The following DOCK3 variants were observed in gnomAD, a reference collection of about 807,000 sequenced individuals.
DOCK3 encodes dedicator of cytokinesis protein 3.
Under a neutral mutation model 265.6 loss-of-function variants are expected in DOCK3, and 60 were observed. The ratio of observed to expected loss-of-function variants is 0.23; its 90% CI spans 0.18 to 0.28. DOCK3 has a LOEUF of 0.28. Ranked by LOEUF, DOCK3 falls within the 10% of genes least tolerant of loss-of-function variation. The pLI is 1.00. For missense variants in DOCK3, 1,981 were observed against 2,594.3 expected (o/e 0.76, Z 5.14); for synonymous variants, 881 against 938.0 (o/e 0.94, Z 1.11).
intron 12 of DOCK3, among the ~76,000 whole-genome samples, chr3:51,195,559 T>A (rs987427009): frequency 6.6e-6 from 1 of 151,942 alleles, no homozygotes; most frequent in African/African-American, 2.4e-5. Context: ...AGATTACAGA[T>A]GCGTGCCATC....
intron 9 of DOCK3, among the ~76,000 whole-genome samples, chr3:51,116,694 A>G (rs1429441010): frequency 1.3e-5 from 2 of 151,994 alleles, no homozygotes; most frequent in Admixed American, 6.5e-5. Flanking sequence ...TGTAAGTTGT[A>G]TTCCTGGGCA....
chr3:50,888,184 A>G (rs185725822), intron 3 of DOCK3, among the ~76,000 whole-genome samples: 3 of 152,100 alleles, frequency 2.0e-5, no homozygotes, highest in African/African-American at 7.2e-5. Flanking sequence ...AAATCAATGT[A>G]CAAAAATCAC....
chr3:51,350,252 C>T, intron 39 of DOCK3, 36 bp from the exon 40 acceptor site: 2 of 1,567,066 alleles, frequency 1.3e-6, no homozygotes, highest in South Asian at 1.2e-5. Flanking sequence ...ATACCAACAG[C>T]AGTCAAGCCA....
chr3:50,846,701 C>A (rs932225498), intron 3 of DOCK3, among the ~76,000 whole-genome samples: 3 of 152,084 alleles, frequency 2.0e-5, no homozygotes, highest in African/African-American at 7.2e-5. Context: ...TTGGTCTGTT[C>A]AGGGTTTCAG....
At chr3:51,133,914 T>C (rs1424549523) in intron 9 of DOCK3, among the ~76,000 whole-genome samples, 1 of 152,164 alleles carries the variant, frequency 6.6e-6, no homozygotes, top group Non-Finnish European at 1.5e-5. Flanking sequence ...TTATTTTTTC[T>C]ACTCATCTCC....
At chr3:50,758,413 ATC>A (rs944931538) in intron 1 of DOCK3, among the ~76,000 whole-genome samples, 4 of 151,904 alleles carry the variant, frequency 2.6e-5, no homozygotes, top group Admixed American at 1.3e-4. Context: ...GGATCTCTGT[ATC>A]TCTGTTTTTT....
At chr3:50,826,142 G>A (rs2044741736) in intron 2 of DOCK3, among the ~76,000 whole-genome samples, 1 of 151,362 alleles carries the variant, frequency 6.6e-6, no homozygotes, top group Non-Finnish European at 1.5e-5. Flanking sequence ...TGTATTCTTA[G>A]CCTTTTGGGG....
chr3:50,825,644 T>C (rs2044716021), intron 2 of DOCK3, among the ~76,000 whole-genome samples: 2 of 152,122 alleles, frequency 1.3e-5, no homozygotes, highest in South Asian at 4.1e-4. Context: ...CTACTGAGTA[T>C]TGAAGACTGA....
intron 9 of DOCK3, among the ~76,000 whole-genome samples, chr3:51,130,972 T>C (rs1387576892): frequency 6.6e-6 from 1 of 152,166 alleles, no homozygotes; most frequent in African/African-American, 2.4e-5. Flanking sequence ...CCTCTCAAAC[T>C]GCTGGGATTA....
chr3:50,747,966 C>T (rs1294315159), intron 1 of DOCK3, among the ~76,000 whole-genome samples: 3 of 152,122 alleles, frequency 2.0e-5, no homozygotes, highest in African/African-American at 7.2e-5. Flanking sequence ...ATGTATGACA[C>T]TGCTAAACTC....
intron 49 of DOCK3, among the ~76,000 whole-genome samples, chr3:51,369,716 G>A (rs1377976462): frequency 6.6e-6 from 1 of 152,198 alleles, no homozygotes; most frequent in Non-Finnish European, 1.5e-5. Context: ...ACTGCTGTAT[G>A]GCACAGTGAA....
In DOCK3 at chr3:51,302,314, C is replaced by T. The variant is rs985473279; in HGVS notation, c.2923-7918C>T. ...TCTCCATCCCTTTATTTTGAGCCTA[C>T]GTGTATCTTTGCACATGAGATGGGT... On this transcript the variant is annotated intron_variant, in intron 27 of 52. Coordinates refer to ENST00000266037, the MANE Select transcript of DOCK3 (RefSeq NM_004947.5). Among the ~76,000 whole-genome samples the T allele has an allele frequency of 3.9e-5, 6 of 152,106 alleles. No individual in the cohort carries two copies. The East Asian group carries it at 9.6e-4, about 24-fold the overall frequency.
In DOCK3 at chr3:51,230,898, G is replaced by A. The variant is rs536429965; in HGVS notation, c.1917+1289G>A. Among the ~76,000 whole-genome samples the A allele has an allele frequency of 5.3e-5, 8 of 151,484 alleles. No homozygotes were observed. In the East Asian group the frequency reaches 7.8e-4, roughly 15 times the overall value. ...GTCTTATGTTATTGTGAATAATACC[G>A]TGATGAACATTTGAGTGCATGGGTC... On this transcript the variant is annotated intron_variant, in intron 19 of 52. Transcript: ENST00000266037.
At chr3:51,152,031 A>G (rs972444419) in intron 10 of DOCK3, among the ~76,000 whole-genome samples, 5 of 152,060 alleles carry the variant, frequency 3.3e-5, no homozygotes, top group Non-Finnish European at 5.9e-5. Context: ...CCTGAATTTG[A>G]ATGTTGGCCT....
chr3:50,808,992 A>T (rs1228991045), intron 2 of DOCK3, among the ~76,000 whole-genome samples: 1 of 152,236 alleles, frequency 6.6e-6, no homozygotes, highest in Non-Finnish European at 1.5e-5. Flanking sequence ...GTGAAATGTA[A>T]AAATAATTCA....
intron 22 of DOCK3, among the ~76,000 whole-genome samples, chr3:51,252,589 G>GTAATAC (rs2079314075): frequency 6.6e-6 from 1 of 152,180 alleles, no homozygotes; most frequent in Admixed American, 6.5e-5. Flanking sequence ...TCCCTTGCTA[G>GTAATAC]TTGGATTCCT....
chr3:50,788,132 TG>T, intron 2 of DOCK3: 1 of 767,072 alleles, frequency 1.3e-6, no homozygotes, highest in Middle Eastern at 2.6e-4. Flanking sequence ...TGGTTCCCTT[TG>T]TTACACTTTG....
intron 2 of DOCK3, 49 bp downstream of exon 2, chr3:50,778,807 A>C: frequency 7.8e-7 from 1 of 1,277,528 alleles, no homozygotes; most frequent in South Asian, 1.4e-5. Context: ...TTTTGGCAGT[A>C]TTATATACAT....
intron 1 of DOCK3, among the ~76,000 whole-genome samples, chr3:50,748,338 C>A (rs926765396): frequency 6.6e-6 from 1 of 152,030 alleles, no homozygotes; most frequent in Admixed American, 6.6e-5. Context: ...GGAAAGGATT[C>A]GGTCTTGTAA....
Sources: allele counts gnomAD v4.1 joint callset (sites outside exome capture counted in the v4.1 genomes callset), GRCh38; gene constraint gnomAD v4.1.1; transcripts MANE v1.5; gene names NCBI Gene and HGNC (gene_info 2026-07-23, HGNC 2026-07-21).